Variants in PTPN5 observed in about 807,000 individuals in gnomAD.
The protein encoded by PTPN5 is protein tyrosine phosphatase non-receptor type 5.
In PTPN5, 29 loss-of-function variants were observed where a neutral mutation model predicts 73.9. That is an observed-to-expected ratio of 0.39 (90% CI 0.29 to 0.54). The LOEUF (loss-of-function observed/expected upper bound fraction) is 0.54. PTPN5 is among the 20% of genes least tolerant of loss of function. The pLI is 0.65. For synonymous variants in PTPN5, 267 were observed against 304.7 expected (o/e 0.88, Z 1.29); for missense variants, 652 against 751.4 (o/e 0.87, Z 1.55).
chr11:18,772,684 T>C (rs756786248), intron 1 of PTPN5, among the ~76,000 whole-genome samples: 1 of 152,166 alleles, frequency 6.6e-6, no homozygotes, highest in East Asian at 1.9e-4. Flanking sequence ...CGGGCAACAG[T>C]TGTCCATTTT....
intron 1 of PTPN5, among the ~76,000 whole-genome samples, chr11:18,786,936 T>A (rs1404597878): frequency 6.6e-6 from 1 of 152,210 alleles, no homozygotes; most frequent in Non-Finnish European, 1.5e-5. Flanking sequence ...GAGATGAGTT[T>A]CCTTAAAACC....
intron 3 of PTPN5, among the ~76,000 whole-genome samples, chr11:18,755,365 T>C (rs1377113780): frequency 6.6e-6 from 1 of 152,238 alleles, no homozygotes; most frequent in East Asian, 1.9e-4. Flanking sequence ...CCTGGTTTCC[T>C]GACTTAGAAA....
intron 1 of PTPN5, among the ~76,000 whole-genome samples, chr11:18,783,974 C>T (rs552682636): frequency 2.6e-5 from 4 of 152,312 alleles, no homozygotes; most frequent in African/African-American, 9.6e-5. Context: ...TTCTCTGTTA[C>T]CTCCATGGCC....
At chr11:18,737,212 G>A (rs953928875) in intron 9 of PTPN5, among the ~76,000 whole-genome samples, 5 of 152,180 alleles carry the variant, frequency 3.3e-5, no homozygotes, top group Non-Finnish European at 7.4e-5. Flanking sequence ...ATCTGAAAAT[G>A]ATACCCCAGG....
intron 3 of PTPN5, among the ~76,000 whole-genome samples, chr11:18,759,441 T>C (rs1381558334): frequency 6.6e-6 from 1 of 152,210 alleles, no homozygotes; most frequent in African/African-American, 2.4e-5. Flanking sequence ...TGCCTGGCCA[T>C]AGCACCCCAA....
intron 11 of PTPN5, 96 bp from the exon 12 acceptor site, chr11:18,732,798 A>G (rs1848945190): frequency 2.0e-6 from 2 of 996,830 alleles, no homozygotes; most frequent in Admixed American, 3.7e-5. Context: ...CACAAGGGCA[A>G]CAGGGTTGCT....
At chr11:18,731,173 AT>A (rs1219810251) in intron 12 of PTPN5, among the ~76,000 whole-genome samples, 2 of 145,904 alleles carry the variant, frequency 1.4e-5, no homozygotes, top group Non-Finnish European at 3.0e-5. Context: ...TTTTATATAT[AT>A]TTTATATATT....
At chr11:18,737,797 C>T (rs1849180314) in intron 9 of PTPN5, 83 bp downstream of exon 9, 2 of 1,247,912 alleles carry the variant, frequency 1.6e-6, no homozygotes, top group East Asian at 4.6e-5. Context: ...CCTAGAGGCC[C>T]AGCTGAGGGT....
chr11:18,771,978 G>A lies in PTPN5; in HGVS notation c.-20C>T, dbSNP rs775048532. 7.0e-6 allele frequency: 11 copies of A among 1,561,818 alleles called. No individual in the cohort carries two copies. In the Admixed American group the frequency reaches 8.5e-5, roughly 12 times the overall value. ...ATTCATTCCCAAGGTGTCTGGATGGGGAAGGGTGCCATCTTCCAGGGCAGG... is the reference window on the plus strand; with the variant it reads ...ATTCATTCCCAAGGTGTCTGGATGGAGAAGGGTGCCATCTTCCAGGGCAGG... On this transcript the variant is annotated 5_prime_UTR_variant, in exon 2 of 15. Coordinates refer to ENST00000358540, the MANE Select transcript of PTPN5 (RefSeq NM_006906.2).
chr11:18,752,680 T>C (rs1190220178), intron 3 of PTPN5, among the ~76,000 whole-genome samples: 1 of 152,262 alleles, frequency 6.6e-6, no homozygotes, highest in Non-Finnish European at 1.5e-5. Flanking sequence ...GCTCAGTTCT[T>C]TGTGCCTCTT....
intron 3 of PTPN5, among the ~76,000 whole-genome samples, chr11:18,759,023 G>A (rs1055406058): frequency 6.6e-6 from 1 of 152,112 alleles, no homozygotes; most frequent in Non-Finnish European, 1.5e-5. Context: ...TCCTGCCTGT[G>A]GCTGTGCTGG....
At chr11:18,755,023 T>C (rs1850065005) in intron 3 of PTPN5, among the ~76,000 whole-genome samples, 1 of 152,200 alleles carries the variant, frequency 6.6e-6, no homozygotes. Flanking sequence ...GGCATGTCAC[T>C]CTAGGATTAG....
At chr11:18,764,212 T>C (rs2134293721) in intron 3 of PTPN5, among the ~76,000 whole-genome samples, 1 of 152,356 alleles carries the variant, frequency 6.6e-6, no homozygotes, top group East Asian at 1.9e-4. Flanking sequence ...TTGAGTTCTA[T>C]GACTGGACCA....
chr11:18,753,370 G>A (rs1849980696), intron 3 of PTPN5, among the ~76,000 whole-genome samples: 1 of 152,234 alleles, frequency 6.6e-6, no homozygotes, highest in Non-Finnish European at 1.5e-5. Context: ...CAAAGAGTGG[G>A]ACTAGGGGTC....
At chr11:18,773,371 C>A (rs767918903) in intron 1 of PTPN5, among the ~76,000 whole-genome samples, 3 of 151,998 alleles carry the variant, frequency 2.0e-5, no homozygotes, top group Non-Finnish European at 4.4e-5. Context: ...GGTGACAGAG[C>A]CCATCAGTTT....
Position 18,733,766 on chromosome 11 carries a change from C to G in PTPN5, c.1001-131G>C. 1 of 796,264 alleles carries G rather than the reference C, an allele frequency of 1.3e-6. No homozygotes were observed. The allele number at this position is 796,264 out of a possible 1,614,324, so 49.3% of individuals were successfully genotyped here. Reference sequence around the variant, plus strand: ...AGTTCTTCCTTCCCTTGCCCAGCAGCAAAACATTGACCCATTCATGGTTCA... The same window carrying G: ...AGTTCTTCCTTCCCTTGCCCAGCAGGAAAACATTGACCCATTCATGGTTCA... On this transcript the variant is annotated intron_variant, in intron 9 of 14. Coordinates refer to ENST00000358540, the MANE Select transcript of PTPN5 (RefSeq NM_006906.2). The surrounding 1 kb of genome is among the most constrained non-coding windows in gnomAD (Gnocchi z 4.3).
intron 1 of PTPN5, among the ~76,000 whole-genome samples, chr11:18,779,957 C>T (rs985049170): frequency 7.2e-5 from 11 of 152,112 alleles, no homozygotes; most frequent in African/African-American, 2.4e-4. Context: ...GCCTGGGAAG[C>T]GAGGGCTGTA....
intron 9 of PTPN5, among the ~76,000 whole-genome samples, chr11:18,734,381 G>A (rs1404129348): frequency 3.3e-5 from 5 of 152,272 alleles, no homozygotes; most frequent in South Asian, 4.1e-4. Context: ...GCAGTGGCAC[G>A]ATTATGGCTC....
At chr11:18,749,284 C>T (rs543003185) in intron 3 of PTPN5, 8 of 460,868 alleles carry the variant, frequency 1.7e-5, no homozygotes, top group African/African-American at 7.8e-5. Context: ...ATGGACTCAC[C>T]TCTTGCACAG....
Sources: gnomAD v4.1 joint callset for allele counts (sites outside exome capture counted in the v4.1 genomes callset) on GRCh38, gnomAD v4.1.1 for gene constraint, Gnocchi (gnomAD v3.1) non-coding constraint, MANE v1.5 for transcripts, NCBI Gene and HGNC (gene_info 2026-07-23, HGNC 2026-07-21) for gene names.